Variants in CSMD2 observed in about 807,000 individuals in gnomAD.
The protein encoded by CSMD2 is CUB and Sushi multiple domains 2.
A neutral mutation model predicts 398.5 loss-of-function variants in CSMD2; 130 were observed. The observed-to-expected ratio is 0.33, with a 90% CI of 0.28 to 0.38. CSMD2 has a LOEUF of 0.38. Among genes scored for constraint, CSMD2 ranks in the 10% least tolerant of loss-of-function variants. The pLI, the probability that CSMD2 is intolerant of heterozygous loss-of-function variation, is 1.00. For missense variants in CSMD2, 3,829 were observed against 4,764.9 expected (o/e 0.80, Z 5.78); for synonymous variants, 1,828 against 1,908.5 (o/e 0.96, Z 1.10).
chr1:33,925,100 G>T (rs746607523), intron 4 of CSMD2, among the ~76,000 whole-genome samples: 19 of 151,976 alleles, frequency 1.3e-4, no homozygotes, highest in Admixed American at 3.3e-4. Flanking sequence ...GTGCTTTTGA[G>T]GTCTTAGCCA....
intron 13 of CSMD2, among the ~76,000 whole-genome samples, chr1:33,770,782 GGGACAGACCTATCTTCT>G (rs1427177950): frequency 1.3e-5 from 2 of 152,216 alleles, no homozygotes; most frequent in Non-Finnish European, 2.9e-5. Context: ...CATACTTGTT[GGGACAGACCTATCTTCT>G]TTCCTTCTCA....
chr1:33,754,623 AATGT>A (rs1168192044), intron 13 of CSMD2, among the ~76,000 whole-genome samples: 1 of 152,244 alleles, frequency 6.6e-6, no homozygotes, highest in African/African-American at 2.4e-5. Context: ...CTGCTTGTGA[AATGT>A]ATGTTTCAAT....
chr1:33,601,349 G>A (rs1640205126), intron 43 of CSMD2, among the ~76,000 whole-genome samples: 1 of 152,166 alleles, frequency 6.6e-6, no homozygotes, highest in African/African-American at 2.4e-5. Context: ...CAGGGCTGAG[G>A]AGCTGGTGTG....
At chr1:33,766,585 G>C (rs773476135) in intron 13 of CSMD2, among the ~76,000 whole-genome samples, 3 of 152,212 alleles carry the variant, frequency 2.0e-5, no homozygotes, top group Non-Finnish European at 4.4e-5. Flanking sequence ...TGAGGACACG[G>C]ACCGTGCCCA....
At chr1:34,063,775 C>T (rs368578956) in intron 2 of CSMD2, among the ~76,000 whole-genome samples, 4 of 152,318 alleles carry the variant, frequency 2.6e-5, no homozygotes, top group South Asian at 2.1e-4. Context: ...ATGGGTGCTC[C>T]GATCCCACAT....
At position 33,554,638 on chromosome 1, in the gene CSMD2, TCTG is replaced by T. The variant is rs1373601093; in HGVS notation, c.8743+3093_8743+3095del. ...TGGGAGCCAATGCTCATTTACCCATTCTGAAAATCCTAGGGCCCTTAAGAATTA... is the reference window on the plus strand; with the variant it reads ...TGGGAGCCAATGCTCATTTACCCATTAAAATCCTAGGGCCCTTAAGAATTA... On this transcript the variant is annotated intron_variant, in intron 55 of 70. Transcript: ENST00000373381. 1.1e-4 allele frequency among the ~76,000 whole-genome samples: 16 copies of T among 152,286 alleles called. No homozygotes were observed. The East Asian group carries it at 3.1e-3, about 29-fold the overall frequency.
chr1:33,586,027 G>A (rs1381968107), intron 46 of CSMD2, among the ~76,000 whole-genome samples: 4 of 152,156 alleles, frequency 2.6e-5, no homozygotes, highest in African/African-American at 7.2e-5. Flanking sequence ...TCTTAATTGG[G>A]GTGACTCGCT....
At chr1:34,145,355 G>C (rs372463812) in intron 1 of CSMD2, among the ~76,000 whole-genome samples, 1 of 152,210 alleles carries the variant, frequency 6.6e-6, no homozygotes, top group East Asian at 1.9e-4. Context: ...CAGCAGAAAG[G>C]CAGGAGGGCT....
At chr1:33,935,106 G>T (rs1265406994) in intron 4 of CSMD2, among the ~76,000 whole-genome samples, 5 of 152,024 alleles carry the variant, frequency 3.3e-5, no homozygotes, top group African/African-American at 4.8e-5. Flanking sequence ...GGAATAGGCT[G>T]GGAGTAGAGT....
chr1:33,829,439 G>A (rs889717084), intron 6 of CSMD2, among the ~76,000 whole-genome samples: 9 of 152,076 alleles, frequency 5.9e-5, no homozygotes, highest in Admixed American at 3.9e-4. Flanking sequence ...TGTGCACAAC[G>A]TGCAGTTTTG....
At chr1:34,125,004 G>C (rs970248181) in intron 1 of CSMD2, among the ~76,000 whole-genome samples, 2 of 152,156 alleles carry the variant, frequency 1.3e-5, no homozygotes, top group African/African-American at 2.4e-5. Context: ...ATGGGAATGA[G>C]TGTGTCAATC....
intron 22 of CSMD2, among the ~76,000 whole-genome samples, chr1:33,705,804 C>T (rs1237703643): frequency 6.6e-5 from 10 of 151,256 alleles, no homozygotes; most frequent in African/African-American, 2.4e-4. Flanking sequence ...TGGCGTGATC[C>T]CTAAACATTT....
At chr1:34,158,713 T>A (rs372295695) in intron 1 of CSMD2, among the ~76,000 whole-genome samples, 28 of 152,300 alleles carry the variant, frequency 1.8e-4, no homozygotes, top group Middle Eastern at 3.4e-3. Context: ...ATGGTAACAA[T>A]GGGCCCAGCA....
At chr1:33,684,573 A>T (rs1370873046) in intron 25 of CSMD2, among the ~76,000 whole-genome samples, 1 of 152,204 alleles carries the variant, frequency 6.6e-6, no homozygotes, top group Non-Finnish European at 1.5e-5. Flanking sequence ...CAGTGCTCCT[A>T]GGCTCCTCCC....
At chr1:33,671,121 G>A (rs762104380) in intron 25 of CSMD2, among the ~76,000 whole-genome samples, 7 of 152,210 alleles carry the variant, frequency 4.6e-5, no homozygotes, top group Non-Finnish European at 1.0e-4. Flanking sequence ...GGGTGGCTGA[G>A]ACCTGAAGCC....
At chr1:33,541,978 T>C (rs1412025410) in intron 58 of CSMD2, among the ~76,000 whole-genome samples, 1 of 152,190 alleles carries the variant, frequency 6.6e-6, no homozygotes, top group Admixed American at 6.5e-5. Flanking sequence ...CAGGGTCTTA[T>C]GGCCCATGAA....
At chr1:33,916,830 T>C (rs1276503658) in intron 5 of CSMD2, among the ~76,000 whole-genome samples, 4 of 150,982 alleles carry the variant, frequency 2.6e-5, no homozygotes, top group Non-Finnish European at 5.9e-5. Context: ...AACAGATAGA[T>C]AGACAATGAG....
chr1:33,596,678 C>T (rs113314756), intron 44 of CSMD2, among the ~76,000 whole-genome samples: 2 of 152,150 alleles, frequency 1.3e-5, no homozygotes, highest in African/African-American at 4.8e-5. Flanking sequence ...CACCAGATCT[C>T]GTGAGAACTA....
In CSMD2 at chr1:33,821,880, C is replaced by T. The variant is rs147194393; in HGVS notation, c.1112-1324G>A. 4.6e-5 allele frequency among the ~76,000 whole-genome samples: 7 copies of T among 152,128 alleles called. No individual in the cohort carries two copies. The East Asian group carries it at 7.8e-4, about 17-fold the overall frequency. Reference sequence around the variant, plus strand: ...TCTGAGCTAATAGGATTTAGACACACGGCAACAGAGATGACAAAGATAGAC... The same window carrying T: ...TCTGAGCTAATAGGATTTAGACACATGGCAACAGAGATGACAAAGATAGAC... On this transcript the variant is annotated intron_variant, in intron 7 of 70. Coordinates refer to ENST00000373381, the MANE Select transcript of CSMD2 (RefSeq NM_001281956.2).
Sources: allele counts gnomAD v4.1 joint callset (sites outside exome capture counted in the v4.1 genomes callset), GRCh38; gene constraint gnomAD v4.1.1; transcripts MANE v1.5; gene names NCBI Gene and HGNC (gene_info 2026-07-23, HGNC 2026-07-21).